Variants in LRRC4C observed in about 807,000 individuals in gnomAD.
The protein encoded by LRRC4C is leucine rich repeat containing 4C.
In LRRC4C, 5 loss-of-function variants were observed where a neutral mutation model predicts 33.6. That is an observed-to-expected ratio of 0.15 (90% confidence interval 0.08 to 0.31). LRRC4C has a LOEUF of 0.31. Among genes scored for constraint, LRRC4C ranks in the 10% least tolerant of loss-of-function variants. The pLI, the probability that LRRC4C is intolerant of heterozygous loss-of-function variation, is 1.00. For synonymous variants in LRRC4C, 329 were observed against 302.0 expected, an observed-to-expected ratio of 1.09 and a Z score of -0.93; for missense variants, 560 against 796.7, an observed-to-expected ratio of 0.70 and a Z score of 3.58.
In LRRC4C at chr11:40,374,759, G is replaced by T. The variant is rs987962783; in HGVS notation, c.-269-55038C>A. Among the ~76,000 whole-genome samples, 6 of 152,080 alleles carry T rather than the reference G, an allele frequency of 3.9e-5. No homozygotes were observed. In the East Asian group the frequency reaches 1.2e-3, roughly 29 times the overall value. ...CAAAATGCTACTGTGTTATTAATCA[G>T]GATACTATATTTACCTCTGTAAGTG... is the stretch of plus-strand genomic sequence containing the variant. On this transcript the variant is annotated intron_variant, in intron 3 of 6. Transcript: ENST00000528697.
At chr11:40,713,520 A>T (rs1057168922) in intron 2 of LRRC4C, among the ~76,000 whole-genome samples, 11 of 152,180 alleles carry the variant, frequency 7.2e-5, no homozygotes. Flanking sequence ...AACAAGTGAC[A>T]CAAGAACTCT....
intron 3 of LRRC4C, among the ~76,000 whole-genome samples, chr11:40,437,733 G>T (rs955679057): frequency 6.7e-6 from 1 of 149,182 alleles, no homozygotes; most frequent in South Asian, 2.1e-4. Context: ...TTTTCAGATG[G>T]AGTATTGCTC....
chr11:41,057,843 G>A (rs1858743692), intron 1 of LRRC4C, among the ~76,000 whole-genome samples: 1 of 152,158 alleles, frequency 6.6e-6, no homozygotes, highest in Non-Finnish European at 1.5e-5. Context: ...GCTGATAGCT[G>A]AACATCTGTC....
chr11:40,242,909 A>G (rs1866030506), intron 4 of LRRC4C, among the ~76,000 whole-genome samples: 1 of 152,200 alleles, frequency 6.6e-6, no homozygotes, highest in Non-Finnish European at 1.5e-5. Context: ...CTCTTAACTA[A>G]AAAGAGAATA....
intron 1 of LRRC4C, among the ~76,000 whole-genome samples, chr11:41,160,395 A>T (rs1433116539): frequency 1.3e-5 from 2 of 151,858 alleles, no homozygotes; most frequent in Non-Finnish European, 2.9e-5. Context: ...AAAAAAAAAA[A>T]ATACATAAAA....
At chr11:41,121,460 G>A (rs1023556238) in intron 1 of LRRC4C, among the ~76,000 whole-genome samples, 20 of 151,994 alleles carry the variant, frequency 1.3e-4, no homozygotes, top group African/African-American at 3.4e-4. Flanking sequence ...CTTTTCCCTC[G>A]TAATACTTCT....
At chr11:40,623,162 A>G (rs2135963605) in intron 3 of LRRC4C, among the ~76,000 whole-genome samples, 1 of 151,688 alleles carries the variant, frequency 6.6e-6, no homozygotes, top group Non-Finnish European at 1.5e-5. Flanking sequence ...TGTTTTTTTC[A>G]TTTGTAAAAT....
intron 2 of LRRC4C, among the ~76,000 whole-genome samples, chr11:40,908,755 C>T (rs561923836): frequency 1.3e-5 from 2 of 152,186 alleles, no homozygotes; most frequent in East Asian, 1.9e-4. Flanking sequence ...TTGAGTGTAA[C>T]TTATTCATTT....
At chr11:40,268,834 T>C (rs1404747440) in intron 4 of LRRC4C, among the ~76,000 whole-genome samples, 1 of 152,158 alleles carries the variant, frequency 6.6e-6, no homozygotes, top group African/African-American at 2.4e-5. Flanking sequence ...TGGGCACCCA[T>C]ACTGATAATT....
At chr11:41,418,600 A>T (rs1456605331) in intron 1 of LRRC4C, among the ~76,000 whole-genome samples, 2 of 151,968 alleles carry the variant, frequency 1.3e-5, no homozygotes, top group East Asian at 3.9e-4. Flanking sequence ...AGATATCGCC[A>T]GCTAGGGGGG....
intron 2 of LRRC4C, among the ~76,000 whole-genome samples, chr11:40,910,858 C>T (rs1042011558): frequency 9.9e-5 from 15 of 152,204 alleles, no homozygotes; most frequent in Admixed American, 3.3e-4. Flanking sequence ...TAATACTGCG[C>T]TTTTCCAATG....
chr11:40,635,605 TC>T (rs1963875842), intron 3 of LRRC4C, among the ~76,000 whole-genome samples: 1 of 147,586 alleles, frequency 6.8e-6, no homozygotes, highest in East Asian at 2.0e-4. Flanking sequence ...TGCTATTCAC[TC>T]CAGAAATTGA....
At chr11:41,262,216 A>T (rs988628150) in intron 1 of LRRC4C, among the ~76,000 whole-genome samples, 6 of 152,000 alleles carry the variant, frequency 3.9e-5, no homozygotes, top group Middle Eastern at 3.2e-3. Flanking sequence ...AAATTAAAAA[A>T]TTTTCCAGTG....
intron 3 of LRRC4C, among the ~76,000 whole-genome samples, chr11:40,611,430 G>T (rs1031095107): frequency 6.6e-6 from 1 of 151,788 alleles, no homozygotes; most frequent in African/African-American, 2.4e-5. Context: ...AAAATGTAGG[G>T]GAAAAGCTTC....
At chr11:40,310,898 T>C (rs1283446393) in intron 4 of LRRC4C, among the ~76,000 whole-genome samples, 3 of 152,146 alleles carry the variant, frequency 2.0e-5, no homozygotes, top group African/African-American at 7.2e-5. Flanking sequence ...TTGTTTAGGG[T>C]CCATTTGAAA....
chr11:40,157,731 T>A (rs1286975638), intron 5 of LRRC4C, among the ~76,000 whole-genome samples: 1 of 152,090 alleles, frequency 6.6e-6, no homozygotes, highest in Non-Finnish European at 1.5e-5. Flanking sequence ...CCTGCAAGAA[T>A]GGCCATAATC....
At chr11:40,897,814 C>T (rs1410391780) in intron 2 of LRRC4C, among the ~76,000 whole-genome samples, 1 of 152,162 alleles carries the variant, frequency 6.6e-6, no homozygotes, top group East Asian at 1.9e-4. Flanking sequence ...CTTGATCCCT[C>T]TGTAAAACAT....
At chr11:40,637,145 C>T (rs1279624107) in intron 3 of LRRC4C, among the ~76,000 whole-genome samples, 1 of 152,184 alleles carries the variant, frequency 6.6e-6, no homozygotes, top group Non-Finnish European at 1.5e-5. Flanking sequence ...TTGGCAAAAC[C>T]AAGTTTTATA....
At chr11:41,210,594 A>G (rs925888357) in intron 1 of LRRC4C, among the ~76,000 whole-genome samples, 10 of 152,116 alleles carry the variant, frequency 6.6e-5, no homozygotes, top group Non-Finnish European at 1.2e-4. Context: ...CATAATGGTT[A>G]TTGTGGGCCA....
Sources: gnomAD v4.1 joint callset for allele counts (sites outside exome capture counted in the v4.1 genomes callset) on GRCh38, gnomAD v4.1.1 for gene constraint, MANE v1.5 for transcripts, NCBI Gene and HGNC (gene_info 2026-07-23, HGNC 2026-07-21) for gene names.